Variants in CELF2 observed in about 807,000 individuals in gnomAD.
CELF2 encodes CUGBP Elav-like family member 2, also known as CUG triplet repeat RNA-binding protein 2.
A neutral mutation model predicts 62.6 loss-of-function variants in CELF2; 8 were observed. The observed-to-expected ratio is 0.13, with a 90% CI of 0.07 to 0.23. The LOEUF (loss-of-function observed/expected upper bound fraction) is 0.23, where lower values mean the gene tolerates loss of function less well. Among genes scored for constraint, CELF2 ranks in the 10% least tolerant of loss-of-function variants. CELF2 has a pLI of 1.00. For missense variants in CELF2, 333 were observed against 671.0 expected, an observed-to-expected ratio of 0.50 and a Z score of 5.56; for synonymous variants, 258 against 250.0, an observed-to-expected ratio of 1.03 and a Z score of -0.30.
At chr10:10,942,033 A>T (rs1446530645) in intron 2 of CELF2, among the ~76,000 whole-genome samples, 1 of 151,936 alleles carries the variant, frequency 6.6e-6, no homozygotes, top group Non-Finnish European at 1.5e-5. Flanking sequence ...TAATCTTCAT[A>T]ACATCATGTT....
chr10:10,752,831 C>T, the CELF2 span, among the ~76,000 whole-genome samples: 3 of 131,436 alleles, frequency 2.3e-5, no homozygotes, highest in Non-Finnish European at 3.1e-5. Context: ...AAAAATTCTA[C>T]CATGATAGGC....
At position 11,250,969 on chromosome 10, in the gene CELF2, G is replaced by A. The variant is rs74115803; in HGVS notation, c.403+1768G>A. On this transcript the variant is annotated intron_variant, in intron 4 of 12. Transcript: ENST00000633077. ...TTCAGCCCTTGTGCTCCAGAGGTGC[G>A]TGCTTGCAGTCTGATGACTTCCTTG... is the stretch of plus-strand genomic sequence containing the variant. Among the ~76,000 whole-genome samples, 961 of 152,262 alleles carry A rather than the reference G, an allele frequency of 6.3e-3. 10 individuals carry two copies. Among genetic ancestry groups the A allele is most frequent in the African/African-American group, 0.022 (903 of 41,536 alleles).
At chr10:11,162,216 C>T (rs1200640321) in intron 1 of CELF2, among the ~76,000 whole-genome samples, 6 of 150,528 alleles carry the variant, frequency 4.0e-5, no homozygotes, top group Admixed American at 2.0e-4. Flanking sequence ...GGAGAGTGGT[C>T]GATGGGACAG....
chr10:11,299,927 A>G (rs2093560552), intron 9 of CELF2, among the ~76,000 whole-genome samples: 1 of 152,152 alleles, frequency 6.6e-6, no homozygotes, highest in South Asian at 2.1e-4. Flanking sequence ...TATCATTGGC[A>G]GGGAAAAGAG....
chr10:10,538,209 C>G, the CELF2 span, among the ~76,000 whole-genome samples: 3 of 152,246 alleles, frequency 2.0e-5, no homozygotes, highest in East Asian at 5.8e-4. Context: ...TCCCCATTTG[C>G]CAAGTTGGAA....
the CELF2 span, among the ~76,000 whole-genome samples, chr10:10,728,452 C>CAAAAAA: frequency 1.2e-5 from 1 of 81,438 alleles, no homozygotes; most frequent in Non-Finnish European, 2.4e-5. Flanking sequence ...GACTCTGTTT[C>CAAAAAA]AAAAAAAAAA....
the CELF2 span, among the ~76,000 whole-genome samples, chr10:10,532,901 A>AG: frequency 3.7e-4 from 56 of 149,970 alleles, no homozygotes; most frequent in African/African-American, 7.3e-4. Flanking sequence ...AAAAAAAAAA[A>AG]TAGAGAGCAA....
chr10:10,903,665 C>T (rs1367513154), intron 1 of CELF2, among the ~76,000 whole-genome samples: 1 of 152,118 alleles, frequency 6.6e-6, no homozygotes, highest in Non-Finnish European at 1.5e-5. Flanking sequence ...TATAAACTGC[C>T]CTTGTTTTCA....
chr10:11,068,180 C>T (rs1013299946), intron 1 of CELF2, among the ~76,000 whole-genome samples: 4 of 152,242 alleles, frequency 2.6e-5, no homozygotes, highest in Admixed American at 2.0e-4. Flanking sequence ...GAAACACAGT[C>T]TCTACGCTTA....
the CELF2 span, among the ~76,000 whole-genome samples, chr10:10,605,307 G>A: frequency 0.28 from 42,864 of 151,978 alleles, 6,403 homozygotes; most frequent in South Asian, 0.51. Context: ...ATTAGGGAAA[G>A]GACCTAATGG....
intron 1 of CELF2, among the ~76,000 whole-genome samples, chr10:11,057,440 A>G (rs1414353610): frequency 6.6e-6 from 1 of 152,234 alleles, no homozygotes; most frequent in Non-Finnish European, 1.5e-5. Flanking sequence ...ATATTAATCT[A>G]TAGAGAAAAC....
intron 1 of CELF2, among the ~76,000 whole-genome samples, chr10:10,800,811 T>C (rs2054585939): frequency 6.6e-6 from 1 of 152,208 alleles, no homozygotes; most frequent in African/African-American, 2.4e-5. Context: ...AGTGCTTCTT[T>C]AAATGTTCTT....
chr10:10,898,037 G>T (rs966872163), intron 1 of CELF2, among the ~76,000 whole-genome samples: 3 of 152,146 alleles, frequency 2.0e-5, no homozygotes, highest in Non-Finnish European at 4.4e-5. Context: ...ATATTATCTG[G>T]CCCTAAAGAC....
chr10:10,991,116 C>T (rs897885544), intron 2 of CELF2, among the ~76,000 whole-genome samples: 3 of 151,936 alleles, frequency 2.0e-5, no homozygotes, highest in Admixed American at 1.3e-4. Context: ...CATAAAACAG[C>T]GGCTTTAATC....
At chr10:10,517,825 C>T in the CELF2 span, among the ~76,000 whole-genome samples, 1 of 152,216 alleles carries the variant, frequency 6.6e-6, no homozygotes, top group Non-Finnish European at 1.5e-5. Flanking sequence ...GAGAGGTTTG[C>T]TCTTTGCAAA....
At chr10:11,304,160 G>A (rs1001018607) in intron 9 of CELF2, among the ~76,000 whole-genome samples, 2 of 152,128 alleles carry the variant, frequency 1.3e-5, no homozygotes, top group African/African-American at 4.8e-5. Context: ...TGTCAGCAGG[G>A]TGTGTTCCTT....
At chr10:10,609,350 T>TCCCATC in the CELF2 span, among the ~76,000 whole-genome samples, 1 of 151,524 alleles carries the variant, frequency 6.6e-6, no homozygotes, top group Non-Finnish European at 1.5e-5. Flanking sequence ...TGAAATAGCA[T>TCCCATC]CCCATCCAAT....
At chr10:10,645,503 A>C in the CELF2 span, among the ~76,000 whole-genome samples, 2 of 152,010 alleles carry the variant, frequency 1.3e-5, no homozygotes, top group Non-Finnish European at 2.9e-5. Context: ...AAAATAGAAA[A>C]ATTAGGCAGG....
At chr10:10,793,811 G>A (rs535577011), upstream of CELF2, among the ~76,000 whole-genome samples, 333 of 152,142 alleles carry the variant, frequency 2.2e-3, 2 homozygotes, top group Non-Finnish European at 3.9e-3. Context: ...AGTCAATAAC[G>A]TCAGAGGTAC....
Sources: allele counts gnomAD v4.1 joint callset (sites outside exome capture counted in the v4.1 genomes callset), GRCh38; gene constraint gnomAD v4.1.1; transcripts MANE v1.5; gene names NCBI Gene and HGNC (gene_info 2026-07-23, HGNC 2026-07-21).